The following XKR4 variants were observed in gnomAD, a reference collection of about 807,000 sequenced individuals.
The protein encoded by XKR4 is XK-related protein 4.
In XKR4, 12 loss-of-function variants were observed where a neutral mutation model predicts 53.9. That is an observed-to-expected ratio of 0.22 (90% CI 0.14 to 0.36). The LOEUF (loss-of-function observed/expected upper bound fraction) is 0.36, where lower values mean the gene tolerates loss of function less well. Among genes scored for constraint, XKR4 ranks in the 10% least tolerant of loss-of-function variants. The pLI is 1.00. For missense variants in XKR4, 799 were observed against 859.5 expected (o/e 0.93, Z 0.88); for synonymous variants, 354 against 362.4 (o/e 0.98, Z 0.26).
intron 2 of XKR4, among the ~76,000 whole-genome samples, chr8:55,483,622 T>C (rs950655997): frequency 6.6e-6 from 1 of 151,820 alleles, no homozygotes; most frequent in Non-Finnish European, 1.5e-5. Flanking sequence ...AAAAATGAAG[T>C]CTCAAGGGAA....
intron 1 of XKR4, among the ~76,000 whole-genome samples, chr8:55,137,748 T>A (rs565740315): frequency 1.3e-5 from 2 of 151,964 alleles, no homozygotes; most frequent in Non-Finnish European, 2.9e-5. Flanking sequence ...TTATTTATTT[T>A]TTTTGTAGAA....
At chr8:55,434,410 C>CGTGTGT (rs10598891) in intron 2 of XKR4, among the ~76,000 whole-genome samples, 4,216 of 148,198 alleles carry the variant, frequency 0.028, 63 homozygotes, top group Non-Finnish European at 0.032. Flanking sequence ...TGATACCAAT[C>CGTGTGT]GTGTGTGTGT....
chr8:55,337,718 G>GA (rs1323474030), intron 1 of XKR4, among the ~76,000 whole-genome samples: 1 of 152,140 alleles, frequency 6.6e-6, no homozygotes, highest in Non-Finnish European at 1.5e-5. Context: ...GAGTGGCTGT[G>GA]AAAAAATTAC....
intron 2 of XKR4, among the ~76,000 whole-genome samples, chr8:55,378,619 G>C (rs1005287662): frequency 3.9e-5 from 6 of 152,040 alleles, no homozygotes; most frequent in South Asian, 2.1e-4. Flanking sequence ...TAAGTGGAAG[G>C]GCATTTTATT....
chr8:55,348,689 C>CAT (rs1183759778), intron 1 of XKR4, among the ~76,000 whole-genome samples: 1 of 144,060 alleles, frequency 6.9e-6, no homozygotes, highest in African/African-American at 2.8e-5. Flanking sequence ...GACAGACAAA[C>CAT]ATACACACAC....
chr8:55,506,108 G>A (rs1279353830), intron 2 of XKR4, among the ~76,000 whole-genome samples: 1 of 152,180 alleles, frequency 6.6e-6, no homozygotes, highest in Non-Finnish European at 1.5e-5. Flanking sequence ...GATTCCCCTT[G>A]CAAAACACAG....
intron 2 of XKR4, chr8:55,453,695 C>G (rs1301261696): frequency 2.5e-6 from 1 of 399,478 alleles, no homozygotes; most frequent in Non-Finnish European, 4.8e-6. Context: ...TCTCAGGTGG[C>G]TGCTGTCACC....
At chr8:55,339,240 C>A (rs1413545672) in intron 1 of XKR4, among the ~76,000 whole-genome samples, 1 of 152,146 alleles carries the variant, frequency 6.6e-6, no homozygotes, top group East Asian at 1.9e-4. Flanking sequence ...ACACAAATGG[C>A]ATCTATGCTC....
chr8:55,261,672 T>C (rs897433605), intron 1 of XKR4, among the ~76,000 whole-genome samples: 3 of 152,148 alleles, frequency 2.0e-5, no homozygotes, highest in African/African-American at 7.2e-5. Flanking sequence ...TCTTTGAAAA[T>C]GAAATTGGTT....
intron 1 of XKR4, among the ~76,000 whole-genome samples, chr8:55,192,233 C>A (rs1817452171): frequency 7.1e-6 from 1 of 140,050 alleles, no homozygotes. Flanking sequence ...TTACAAAGTC[C>A]CTTAACTTTG....
At chr8:55,490,971 TAGAC>T (rs1806264409) in intron 2 of XKR4, among the ~76,000 whole-genome samples, 1 of 151,770 alleles carries the variant, frequency 6.6e-6, no homozygotes, top group Non-Finnish European at 1.5e-5. Flanking sequence ...ACACAAGTGA[TAGAC>T]AGTTTGCTAT....
In XKR4 at chr8:55,271,341, A is replaced by G. The variant is rs186901953; in HGVS notation, c.807-86337A>G. Among the ~76,000 whole-genome samples, 312 of 152,342 alleles carry G rather than the reference A, an allele frequency of 2.0e-3. 4 individuals are homozygous for G. The highest frequency in any genetic ancestry group is 0.02 in the Admixed American group (300 of 15,296). ...CAGAAAGCAGAGTGGCTATTACTAA[A>G]TAAATTTGACCCTAGGGGAAATAAA... On this transcript the variant is annotated intron_variant, in intron 1 of 2. Coordinates refer to ENST00000327381, the MANE Select transcript of XKR4 (RefSeq NM_052898.2).
intron 1 of XKR4, among the ~76,000 whole-genome samples, chr8:55,244,846 G>A (rs970577418): frequency 1.5e-4 from 22 of 151,402 alleles, no homozygotes; most frequent in African/African-American, 5.1e-4. Context: ...ATGCTCGCTG[G>A]CTGCATGTAT....
At chr8:55,384,596 C>A (rs761496052) in intron 2 of XKR4, among the ~76,000 whole-genome samples, 2 of 152,206 alleles carry the variant, frequency 1.3e-5, no homozygotes, top group Non-Finnish European at 2.9e-5. Flanking sequence ...TTAACCGAAT[C>A]ATTGGCTAGA....
chr8:55,331,669 A>T (rs1294195970), intron 1 of XKR4, among the ~76,000 whole-genome samples: 4 of 152,146 alleles, frequency 2.6e-5, no homozygotes, highest in Non-Finnish European at 4.4e-5. Context: ...CTGTTTGATA[A>T]ATTGACCCTT....
chr8:55,376,577 G>GT (rs750228896), intron 2 of XKR4, among the ~76,000 whole-genome samples: 7 of 151,872 alleles, frequency 4.6e-5, no homozygotes, highest in African/African-American at 1.7e-4. Context: ...GGGGTTGTTT[G>GT]TTTTTTTCTT....
intron 2 of XKR4, among the ~76,000 whole-genome samples, chr8:55,417,132 C>T (rs926611618): frequency 1.3e-5 from 2 of 152,090 alleles, no homozygotes; most frequent in Admixed American, 6.6e-5. Flanking sequence ...GAACCATTGT[C>T]GTCGTGGGTA....
intron 2 of XKR4, among the ~76,000 whole-genome samples, chr8:55,385,565 T>C (rs1804297039): frequency 6.6e-6 from 1 of 152,186 alleles, no homozygotes; most frequent in African/African-American, 2.4e-5. Context: ...ATCTACTGAA[T>C]AAGTGAATGA....
intron 2 of XKR4, 103 bp downstream of exon 2, chr8:55,357,980 G>A: frequency 2.6e-6 from 3 of 1,138,634 alleles, no homozygotes; most frequent in Non-Finnish European, 2.5e-6. Context: ...ACACAGGCCT[G>A]TGATGTGTCT....
Sources: allele counts gnomAD v4.1 joint callset (sites outside exome capture counted in the v4.1 genomes callset), GRCh38; gene constraint gnomAD v4.1.1; transcripts MANE v1.5; gene names NCBI Gene and HGNC (gene_info 2026-07-23, HGNC 2026-07-21).